Variants in AHI1 observed in about 807,000 individuals in gnomAD.
AHI1 encodes the protein jouberin.
Under a neutral mutation model 149.3 loss-of-function variants are expected in AHI1, and 123 were observed. That is an observed-to-expected ratio of 0.82 (90% CI 0.71 to 0.96). AHI1 has a LOEUF of 0.96. Among genes scored for constraint, AHI1 ranks in the 40% least tolerant of loss-of-function variants. The pLI, the probability that AHI1 is intolerant of heterozygous loss-of-function variation, is 0.00. For synonymous variants in AHI1, 475 were observed against 459.8 expected (o/e 1.03, Z -0.42); for missense variants, 1,439 against 1,422.7 (o/e 1.01, Z -0.18).
At chr6:135,421,999 A>G (rs1435789344) in intron 20 of AHI1, among the ~76,000 whole-genome samples, 2 of 152,160 alleles carry the variant, frequency 1.3e-5, no homozygotes, top group Non-Finnish European at 2.9e-5. Flanking sequence ...AACTATTCAT[A>G]AGTATTACAA....
intron 26 of AHI1, among the ~76,000 whole-genome samples, chr6:135,305,534 A>T (rs1453013079): frequency 6.6e-6 from 1 of 152,218 alleles, no homozygotes; most frequent in East Asian, 1.9e-4. Context: ...AGATGTTTCA[A>T]TTAGAAAGTC....
intron 24 of AHI1, among the ~76,000 whole-genome samples, chr6:135,330,006 G>A (rs1562513435): frequency 6.6e-6 from 1 of 152,210 alleles, no homozygotes; most frequent in Non-Finnish European, 1.5e-5. Flanking sequence ...ATGATAAAAC[G>A]AATGGATAAA....
At chr6:135,435,970 T>C (rs370374025) in intron 15 of AHI1, among the ~76,000 whole-genome samples, 9 of 152,276 alleles carry the variant, frequency 5.9e-5, no homozygotes, top group African/African-American at 2.2e-4. Flanking sequence ...AGGATGCCAT[T>C]AAAATATATG....
intron 24 of AHI1, among the ~76,000 whole-genome samples, chr6:135,347,959 T>A (rs2746427): frequency 0.55 from 83,274 of 151,880 alleles, 22,919 homozygotes; most frequent in Middle Eastern, 0.65. Flanking sequence ...ATAAGAAGGG[T>A]TTTTTCCCCC....
At chr6:135,430,083 TATC>T in intron 17 of AHI1, 83 bp from the exon 18 acceptor site, 1 of 733,332 alleles carries the variant, frequency 1.4e-6, no homozygotes, top group South Asian at 1.7e-5. Context: ...AATCTTAAAA[TATC>T]ATTTCCAATT....
intron 15 of AHI1, among the ~76,000 whole-genome samples, chr6:135,436,193 A>G (rs1025142272): frequency 5.3e-5 from 8 of 152,218 alleles, no homozygotes; most frequent in Middle Eastern, 3.2e-3. Flanking sequence ...GGAGATGATC[A>G]GCTAAAGGAT....
chr6:135,453,527 T>C (rs1330791811), intron 10 of AHI1, 91 bp from the exon 11 acceptor site: 13 of 930,914 alleles, frequency 1.4e-5, no homozygotes, highest in Non-Finnish European at 2.1e-5. Context: ...ATTTGTATAG[T>C]GCTTAAAAAC....
intron 23 of AHI1, among the ~76,000 whole-genome samples, chr6:135,392,901 T>G (rs951899468): frequency 6.6e-6 from 1 of 152,162 alleles, no homozygotes; most frequent in Non-Finnish European, 1.5e-5. Flanking sequence ...ACTGGCTTCT[T>G]AATAAAAGAG....
rs117036263 is a variant in AHI1 at position 135,359,233 on chromosome 6, T to C, written c.3110-1046A>G. 8.2e-3 allele frequency among the ~76,000 whole-genome samples: 1,247 copies of C among 152,344 alleles called. 7 individuals are homozygous for C. Among genetic ancestry groups the C allele is most frequent in the Non-Finnish European group, 0.013 (884 of 68,024 alleles). On this transcript the variant is annotated intron_variant, in intron 23 of 28. Transcript: ENST00000265602. Reference sequence around the variant, plus strand: ...CATTAATTTTTTGTAACATTTATTGTTAGCCAGTGAAGTATAAAGCACTAT... The same window carrying C: ...CATTAATTTTTTGTAACATTTATTGCTAGCCAGTGAAGTATAAAGCACTAT...
intron 27 of AHI1, among the ~76,000 whole-genome samples, chr6:135,298,965 T>C (rs899932839): frequency 2.6e-5 from 4 of 152,198 alleles, no homozygotes; most frequent in African/African-American, 9.6e-5. Flanking sequence ...ACTGTTCCCA[T>C]GATGTGTTAA....
At chr6:135,496,807 T>G (rs1796025879) in intron 2 of AHI1, among the ~76,000 whole-genome samples, 1 of 152,350 alleles carries the variant, frequency 6.6e-6, no homozygotes, top group East Asian at 1.9e-4. Flanking sequence ...TCTTCATAAG[T>G]AAACAAGATT....
At chr6:135,340,399 C>T (rs1478660686) in intron 24 of AHI1, among the ~76,000 whole-genome samples, 1 of 130,952 alleles carries the variant, frequency 7.6e-6, no homozygotes, top group Non-Finnish European at 1.7e-5. Context: ...CAAAAACAAA[C>T]AAAAAAAAAA....
intron 28 of AHI1, 97 bp from the exon 29 acceptor site, chr6:135,285,744 T>G (rs1390372807): frequency 1.0e-6 from 1 of 997,764 alleles, no homozygotes. Context: ...GCACAGGTAA[T>G]AAAGGACATT....
intron 11 of AHI1, among the ~76,000 whole-genome samples, chr6:135,449,523 G>T (rs902353689): frequency 3.9e-5 from 6 of 152,166 alleles, no homozygotes; most frequent in African/African-American, 1.2e-4. Flanking sequence ...CACAAAACAT[G>T]AAGTATCTTA....
intron 28 of AHI1, among the ~76,000 whole-genome samples, chr6:135,286,901 G>C (rs1192053056): frequency 6.6e-6 from 1 of 152,076 alleles, no homozygotes. Flanking sequence ...AAGTCTCCCT[G>C]TACATATACA....
chr6:135,427,465 C>T (rs188260789), intron 19 of AHI1, among the ~76,000 whole-genome samples, 158 bp from the exon 20 acceptor site: 1 of 151,740 alleles, frequency 6.6e-6, no homozygotes, highest in East Asian at 1.9e-4. Context: ...GTTTGAGTAA[C>T]AATGTATTAA....
intron 21 of AHI1, among the ~76,000 whole-genome samples, chr6:135,408,954 C>T (rs151261550): frequency 6.6e-6 from 1 of 152,130 alleles, no homozygotes; most frequent in Non-Finnish European, 1.5e-5. Flanking sequence ...CATCTTCCTC[C>T]TCATCATTTT....
chr6:135,352,735 AC>A (rs1210215060), intron 24 of AHI1, among the ~76,000 whole-genome samples: 5 of 148,532 alleles, frequency 3.4e-5, no homozygotes, highest in Admixed American at 2.7e-4. Context: ...ACACACACAC[AC>A]AATATATATA....
rs369632867 is a variant in AHI1 at position 135,405,703 on chromosome 6, T to C, written c.2962-726A>G. 3.2e-3 allele frequency among the ~76,000 whole-genome samples: 485 copies of C among 151,612 alleles called. 1 individual carries two copies. Among genetic ancestry groups the C allele is most frequent in the African/African-American group, 8.9e-3 (367 of 41,330 alleles). On this transcript the variant is annotated intron_variant, in intron 21 of 28. Coordinates refer to ENST00000265602, the MANE Select transcript of AHI1 (RefSeq NM_001134831.2). ...GGTGAAACCCCATCTCTACTAAAAATACAAAAATCAGCTAGGCGTTGTGGC... is the reference window on the plus strand; with the variant it reads ...GGTGAAACCCCATCTCTACTAAAAACACAAAAATCAGCTAGGCGTTGTGGC...
Sources: gnomAD v4.1 joint callset for allele counts (sites outside exome capture counted in the v4.1 genomes callset) on GRCh38, gnomAD v4.1.1 for gene constraint, MANE v1.5 for transcripts, NCBI Gene and HGNC (gene_info 2026-07-23, HGNC 2026-07-21) for gene names.